The following NGLY1 variants were observed in gnomAD, a reference collection of about 807,000 sequenced individuals.
NGLY1 encodes N-glycanase 1.
Under a neutral mutation model 84.6 loss-of-function variants are expected in NGLY1, and 68 were observed. That is an observed-to-expected ratio of 0.80 (90% CI 0.66 to 0.98). The LOEUF is 0.98. Among genes scored for constraint, NGLY1 ranks in the 50% least tolerant of loss-of-function variants. The pLI is 0.00. For missense variants in NGLY1, 779 were observed against 770.2 expected, an observed-to-expected ratio of 1.01 and a Z score of -0.14; for synonymous variants, 280 against 275.2, an observed-to-expected ratio of 1.02 and a Z score of -0.17.
chr3:25,762,375 A>C lies in NGLY1; in HGVS notation c.492+1691T>G, dbSNP rs1487464005. Among the ~76,000 whole-genome samples the C allele has an allele frequency of 2.0e-5, 3 of 152,236 alleles. No homozygotes were observed. In the East Asian group the frequency reaches 5.8e-4, roughly 29 times the overall value. Reference sequence around the variant, plus strand: ...TACTTTAAAGAAATACATATATTCCAGTGATCCACGAATAACCAAGAGTTG... The same window carrying C: ...TACTTTAAAGAAATACATATATTCCCGTGATCCACGAATAACCAAGAGTTG... On this transcript the variant is annotated intron_variant, in intron 3 of 11. Coordinates refer to ENST00000280700, the MANE Select transcript of NGLY1 (RefSeq NM_018297.4).
chr3:25,764,040 T>C (rs1231680552), intron 3 of NGLY1, 26 bp downstream of exon 3: 2 of 1,611,276 alleles, frequency 1.2e-6, no homozygotes, highest in South Asian at 2.2e-5. Context: ...AAGAAACAGT[T>C]AAAGAAGGTT....
At chr3:25,735,306 T>A (rs1369542485) in intron 7 of NGLY1, 1 of 152,042 alleles carries the variant, frequency 6.6e-6, no homozygotes. Flanking sequence ...AAAGCACATA[T>A]CTGATAATGG....
chr3:25,746,548 TCAG>T (rs1466515091), intron 4 of NGLY1, among the ~76,000 whole-genome samples: 2 of 152,218 alleles, frequency 1.3e-5, no homozygotes, highest in Non-Finnish European at 2.9e-5. Flanking sequence ...GCAGGGAACA[TCAG>T]CAGATTTTTA....
At chr3:25,782,056 C>A (rs1708442938) in intron 1 of NGLY1, among the ~76,000 whole-genome samples, 1 of 152,054 alleles carries the variant, frequency 6.6e-6, no homozygotes, top group Non-Finnish European at 1.5e-5. Flanking sequence ...AAGGTGGTCC[C>A]CACACAGGTC....
intron 7 of NGLY1, 76 bp downstream of exon 7, chr3:25,735,928 T>C (rs1705791200): frequency 8.0e-7 from 1 of 1,249,584 alleles, no homozygotes; most frequent in Non-Finnish European, 1.1e-6. Context: ...ATGTTAATTA[T>C]ACATTCATGA....
intron 1 of NGLY1, among the ~76,000 whole-genome samples, chr3:25,789,174 A>G (rs1708666714): frequency 6.6e-6 from 1 of 152,124 alleles, no homozygotes. Flanking sequence ...TTTTCCCTTT[A>G]TCGGTTTGCA....
In NGLY1 at chr3:25,737,325, A is replaced by G. The variant is rs1202768030; in HGVS notation, c.1003+9T>C. On this transcript the variant is annotated intron_variant, in intron 6 of 11. Coordinates refer to ENST00000280700, the MANE Select transcript of NGLY1 (RefSeq NM_018297.4). ...CCCTACTACCCTCTGCTCATTCCACATTCTGTACCTGTGTAATCCCAAACA... is the reference window on the plus strand; with the variant it reads ...CCCTACTACCCTCTGCTCATTCCACGTTCTGTACCTGTGTAATCCCAAACA... 3.1e-6 allele frequency: 5 copies of G among 1,602,600 alleles called. No homozygotes were observed. The highest frequency in any genetic ancestry group is 4.5e-5 in the East Asian group (2 of 44,762).
At chr3:25,772,265 T>C (rs1707931626) in intron 2 of NGLY1, among the ~76,000 whole-genome samples, 1 of 152,206 alleles carries the variant, frequency 6.6e-6, no homozygotes, top group South Asian at 2.1e-4. Context: ...CCACTATTAT[T>C]GTGTTGTTGT....
intron 2 of NGLY1, among the ~76,000 whole-genome samples, chr3:25,776,954 T>C (rs6797844): frequency 0.12 from 17,732 of 152,202 alleles, 2,580 homozygotes; most frequent in African/African-American, 0.35. Context: ...TCATGGACTT[T>C]ATACAAACCA....
chr3:25,777,266 A>G (rs1708196229), intron 2 of NGLY1, among the ~76,000 whole-genome samples: 1 of 152,018 alleles, frequency 6.6e-6, no homozygotes, highest in South Asian at 2.1e-4. Flanking sequence ...GTGCTGTCGT[A>G]TGCCTTTAAT....
chr3:25,768,806 T>C (rs886347889), intron 2 of NGLY1, among the ~76,000 whole-genome samples: 1 of 151,780 alleles, frequency 6.6e-6, no homozygotes, highest in African/African-American at 2.4e-5. Context: ...CCTCCCAAAG[T>C]GCTGGGATTA....
intron 10 of NGLY1, among the ~76,000 whole-genome samples, chr3:25,725,417 G>A (rs1705201583): frequency 6.6e-6 from 1 of 152,124 alleles, no homozygotes; most frequent in South Asian, 2.1e-4. Flanking sequence ...CAGTAAACGT[G>A]TTTCCCTGAG....
chr3:25,742,143 G>A (rs372797155), intron 4 of NGLY1, among the ~76,000 whole-genome samples: 9 of 152,150 alleles, frequency 5.9e-5, no homozygotes, highest in Admixed American at 3.9e-4. Context: ...GACACTTCTA[G>A]TATAAATTGG....
At chr3:25,779,579 T>C (rs1708317107) in intron 1 of NGLY1, among the ~76,000 whole-genome samples, 1 of 150,794 alleles carries the variant, frequency 6.6e-6, no homozygotes, top group African/African-American at 2.5e-5. Context: ...TAGGAAGATG[T>C]ACTTCCATAA....
intron 10 of NGLY1, 38 bp downstream of exon 10, chr3:25,729,095 A>G (rs747145407): frequency 7.7e-7 from 1 of 1,303,740 alleles, no homozygotes; most frequent in Admixed American, 2.8e-5. Flanking sequence ...TGTTTAAACA[A>G]TGACAAAAGT....
At chr3:25,775,619 A>G (rs951521662) in intron 2 of NGLY1, among the ~76,000 whole-genome samples, 5 of 152,222 alleles carry the variant, frequency 3.3e-5, no homozygotes, top group African/African-American at 1.2e-4. Flanking sequence ...AGTGATTGTA[A>G]AAAGATATTA....
intron 2 of NGLY1, among the ~76,000 whole-genome samples, 175 bp from the exon 3 acceptor site, chr3:25,764,486 C>T (rs1707464735): frequency 6.6e-6 from 1 of 151,892 alleles, no homozygotes; most frequent in Non-Finnish European, 1.5e-5. Context: ...GTAAATAATG[C>T]CTAAACATAA....
At chr3:25,755,258 C>T (rs1336567249) in intron 3 of NGLY1, 3 of 1,376,420 alleles carry the variant, frequency 2.2e-6, no homozygotes, top group Non-Finnish European at 2.1e-6. Context: ...ATATGCAGGA[C>T]CTAGACTCCC....
In NGLY1 at chr3:25,783,399, G is replaced by A. The variant is rs1172237661; in HGVS notation, c.-9C>T. On this transcript the variant is annotated 5_prime_UTR_variant, in exon 1 of 12. Transcript: ENST00000280700. This position sits in a 1 kb window ranked among gnomAD's most constrained non-coding sequence, Gnocchi z 4.5. ...AATGCCGCCGCCGCCATGCTTGAGCGCCAGCGGGCGCCGCCGCCGCCCCTC... is the reference window on the plus strand; with the variant it reads ...AATGCCGCCGCCGCCATGCTTGAGCACCAGCGGGCGCCGCCGCCGCCCCTC... 2.0e-6 allele frequency: 3 copies of A among 1,525,224 alleles called. No homozygotes were observed. The highest frequency in any genetic ancestry group is 2.6e-6 in the Non-Finnish European group (3 of 1,137,524). 94.5% of individuals were successfully genotyped at this position (1,525,224 alleles called of 1,614,324 possible).
Sources: allele counts gnomAD v4.1 joint callset (sites outside exome capture counted in the v4.1 genomes callset), GRCh38; gene constraint gnomAD v4.1.1; non-coding constraint Gnocchi (gnomAD v3.1); transcripts MANE v1.5; gene names NCBI Gene and HGNC (gene_info 2026-07-23, HGNC 2026-07-21).